SEMA6D: variants seen among roughly 807,000 people sequenced by gnomAD.
SEMA6D encodes the protein semaphorin-6D.
A neutral mutation model predicts 106.6 loss-of-function variants in SEMA6D; 35 were observed. The observed-to-expected ratio is 0.33, with a 90% CI of 0.25 to 0.44. SEMA6D has a LOEUF of 0.44. Among genes scored for constraint, SEMA6D ranks in the 20% least tolerant of loss-of-function variants. The pLI, the probability that SEMA6D is intolerant of heterozygous loss-of-function variation, is 1.00. For synonymous variants in SEMA6D, 499 were observed against 487.7 expected (o/e 1.02, Z -0.31); for missense variants, 1,185 against 1,345.9 (o/e 0.88, Z 1.87).
At chr15:47,231,186 A>T (rs529655386) in intron 1 of SEMA6D, among the ~76,000 whole-genome samples, 1 of 151,008 alleles carries the variant, frequency 6.6e-6, no homozygotes, top group Non-Finnish European at 1.5e-5. Flanking sequence ...TTTGGCTTGA[A>T]TGTCGAGCTT....
chr15:47,364,333 T>A (rs2038927961), intron 1 of SEMA6D, among the ~76,000 whole-genome samples: 1 of 152,182 alleles, frequency 6.6e-6, no homozygotes, highest in South Asian at 2.1e-4. Context: ...AGCTGGATTA[T>A]ATTATCGCAG....
chr15:47,372,223 GC>G (rs1300105292), intron 1 of SEMA6D, among the ~76,000 whole-genome samples: 1 of 152,130 alleles, frequency 6.6e-6, no homozygotes, highest in Non-Finnish European at 1.5e-5. Flanking sequence ...CTTCTTAGTA[GC>G]CATATACTGC....
intron 3 of SEMA6D, among the ~76,000 whole-genome samples, chr15:47,517,832 G>T (rs941244293): frequency 6.6e-6 from 1 of 152,154 alleles, no homozygotes; most frequent in Non-Finnish European, 1.5e-5. Context: ...GCTTTAACCA[G>T]CATTAACAAA....
At chr15:47,438,683 C>T (rs1040448289) in intron 2 of SEMA6D, among the ~76,000 whole-genome samples, 25 of 151,808 alleles carry the variant, frequency 1.6e-4, no homozygotes, top group African/African-American at 5.6e-4. Flanking sequence ...TAGGTTTGCT[C>T]AGATATCACC....
Position 47,678,756 on chromosome 15 carries a change from T to C in SEMA6D, c.-55+77860T>C, listed in dbSNP as rs192393707. Reference sequence around the variant, plus strand: ...ATGTGTTGGGCTCTGTGTGAGGCACTTTATTTATAATATTTTATATGTATG... The same window carrying C: ...ATGTGTTGGGCTCTGTGTGAGGCACCTTATTTATAATATTTTATATGTATG... On this transcript the variant is annotated intron_variant, in intron 4 of 19. Transcript: ENST00000558014. Among the ~76,000 whole-genome samples, 270 of 152,278 alleles carry C rather than the reference T, an allele frequency of 1.8e-3. 3 individuals are homozygous for C. The highest frequency in any genetic ancestry group is 0.012 in the South Asian group (58 of 4,828).
chr15:47,740,525 C>T (rs995869883), intron 1 of SEMA6D, among the ~76,000 whole-genome samples: 8 of 152,000 alleles, frequency 5.3e-5, no homozygotes, highest in Admixed American at 6.6e-5. Flanking sequence ...TCTCAAAAAA[C>T]AAAACAAACA....
chr15:47,695,931 G>A (rs1282509159), intron 4 of SEMA6D, among the ~76,000 whole-genome samples: 1 of 152,108 alleles, frequency 6.6e-6, no homozygotes, highest in Admixed American at 6.6e-5. Context: ...CCTGGTCATT[G>A]GTAGTTTTAG....
In SEMA6D at chr15:47,760,907, A is replaced by T; in HGVS notation, c.222-71A>T. On this transcript the variant is annotated intron_variant, in intron 3 of 18. Transcript: ENST00000536845. Reference sequence around the variant, plus strand: ...AAACACAATAAAGGCAGATCTGTAAAAATAAAAAAGGAAGCAGCTTAACAT... The same window carrying T: ...AAACACAATAAAGGCAGATCTGTAATAATAAAAAAGGAAGCAGCTTAACAT... 3 of 1,376,384 alleles carry T rather than the reference A, an allele frequency of 2.2e-6. No individual in the cohort carries two copies. In the South Asian group the frequency reaches 3.9e-5, roughly 18 times the overall value. 85.3% of individuals were successfully genotyped at this position (1,376,384 alleles called of 1,614,324 possible).
chr15:47,703,783 G>A (rs2078861403), intron 4 of SEMA6D, among the ~76,000 whole-genome samples: 1 of 152,098 alleles, frequency 6.6e-6, no homozygotes, highest in South Asian at 2.1e-4. Flanking sequence ...CTTTTTCAGG[G>A]CAAGGGGAGA....
intron 1 of SEMA6D, among the ~76,000 whole-genome samples, chr15:47,188,195 C>T (rs1893702957): frequency 6.6e-6 from 1 of 151,966 alleles, no homozygotes; most frequent in Admixed American, 6.6e-5. Context: ...TAAATGTTTA[C>T]TAAGAAAGAT....
chr15:47,291,401 T>A (rs1036730724), intron 1 of SEMA6D, among the ~76,000 whole-genome samples: 3 of 152,218 alleles, frequency 2.0e-5, no homozygotes, highest in Admixed American at 2.0e-4. Context: ...AATGGGGACC[T>A]GAGGATGCAG....
chr15:47,442,138 C>T (rs2041901306), intron 2 of SEMA6D, among the ~76,000 whole-genome samples: 1 of 152,046 alleles, frequency 6.6e-6, no homozygotes, highest in South Asian at 2.1e-4. Context: ...TTTGTGTTCA[C>T]AATACATTGA....
At chr15:47,465,735 G>T (rs1188126754) in intron 2 of SEMA6D, among the ~76,000 whole-genome samples, 2 of 152,082 alleles carry the variant, frequency 1.3e-5, no homozygotes, top group Non-Finnish European at 2.9e-5. Context: ...TACCATGATT[G>T]TAAGCTTCCT....
chr15:47,524,294 G>T (rs150739401), intron 3 of SEMA6D, among the ~76,000 whole-genome samples: 1 of 152,076 alleles, frequency 6.6e-6, no homozygotes, highest in African/African-American at 2.4e-5. Context: ...TCATCTCCCC[G>T]GGAGACTGGG....
chr15:47,606,089 C>T (rs898837832), intron 4 of SEMA6D, among the ~76,000 whole-genome samples: 2 of 152,098 alleles, frequency 1.3e-5, no homozygotes, highest in Admixed American at 1.3e-4. Flanking sequence ...CACATATGCT[C>T]CTATCACCCT....
At chr15:47,618,554 C>T (rs531591163) in intron 4 of SEMA6D, among the ~76,000 whole-genome samples, 2 of 152,302 alleles carry the variant, frequency 1.3e-5, no homozygotes, top group East Asian at 3.9e-4. Flanking sequence ...AATTGGGTCA[C>T]TTTTGTGTGA....
chr15:47,298,159 A>G (rs1279104073), intron 1 of SEMA6D, among the ~76,000 whole-genome samples: 1 of 152,006 alleles, frequency 6.6e-6, no homozygotes, highest in African/African-American at 2.4e-5. Context: ...GTGAGAAGAA[A>G]CTCATGGAGA....
chr15:47,501,278 A>G (rs2043840087), intron 3 of SEMA6D, among the ~76,000 whole-genome samples: 1 of 152,154 alleles, frequency 6.6e-6, no homozygotes, highest in Non-Finnish European at 1.5e-5. Flanking sequence ...TTCCCTTCCC[A>G]TCAAGTTTAT....
intron 4 of SEMA6D, among the ~76,000 whole-genome samples, chr15:47,627,619 T>G (rs2077225117): frequency 6.6e-6 from 1 of 152,180 alleles, no homozygotes; most frequent in African/African-American, 2.4e-5. Context: ...ATTTGATTAT[T>G]TTTAATTAAA....
Sources: allele counts gnomAD v4.1 joint callset (sites outside exome capture counted in the v4.1 genomes callset), GRCh38; gene constraint gnomAD v4.1.1; transcripts MANE v1.5; gene names NCBI Gene and HGNC (gene_info 2026-07-23, HGNC 2026-07-21).